The following MEGF8 variants were observed in gnomAD, a reference collection of about 807,000 sequenced individuals.
The protein encoded by MEGF8 is multiple EGF like domains 8, also known as multiple epidermal growth factor-like domains protein 8.
In MEGF8, 156 loss-of-function variants were observed where a neutral mutation model predicts 302.9. The observed-to-expected ratio is 0.52, with a 90% confidence interval of 0.45 to 0.59. MEGF8 has a LOEUF of 0.59. Ranked by LOEUF, MEGF8 falls within the 20% of genes least tolerant of loss-of-function variation. The pLI is 0.00. For synonymous variants in MEGF8, 1,621 were observed against 1,660.5 expected (o/e 0.98, Z 0.58); for missense variants, 3,345 against 3,964.5 (o/e 0.84, Z 4.20).
Position 42,334,191 on chromosome 19 carries a change from G to A in MEGF8, c.536G>A (p.Gly179Asp). 2 of 1,602,998 alleles carry A rather than the reference G, an allele frequency of 1.2e-6. No homozygotes were observed. Among genetic ancestry groups the A allele is most frequent in the Non-Finnish European group, 8.5e-7 (1 of 1,174,442 alleles). Residue 179 changes from glycine to aspartate, a missense_variant, in exon 3 of 42, where the codon GGC becomes GAC. By Grantham distance (94) the Gly-to-Asp change is moderately conservative. Coordinates refer to ENST00000251268, the MANE Select transcript of MEGF8 (RefSeq NM_001271938.2). ...CTGCAGGAGTGCTCAGCCTACTGTG[G>A]CAGCCACGGCACCTGCGCCTCGGTG... is the stretch of plus-strand genomic sequence containing the variant. ...CGLQECSAYCGSHGTCASPLG... is the reference protein window; with the variant it reads ...CGLQECSAYCDSHGTCASPLG...
At position 42,354,144 on chromosome 19, in the gene MEGF8, C is replaced by G. The variant is rs1239186774; in HGVS notation, c.4011+120C>G. ...TTTTTTTTTTTTTGTTTTTTTAATC[C>G]TTCAAAACCCAAACTCCTCCTCAGA... On this transcript the variant is annotated intron_variant, in intron 22 of 41. Transcript: ENST00000251268. The surrounding 1 kb of genome is among the most constrained non-coding windows in gnomAD (Gnocchi z 4.3). 1.6e-6 allele frequency: 2 copies of G among 1,269,272 alleles called. No individual in the cohort carries two copies. The highest frequency in any genetic ancestry group is 5.6e-5 in the Admixed American group (2 of 35,606). The allele number at this position is 1,269,272 out of a possible 1,614,324, so 78.6% of individuals were successfully genotyped here.
Position 42,358,711 on chromosome 19 carries a change from G to A in MEGF8, c.5176-76G>A. 6.9e-7 allele frequency: 1 copy of A among 1,447,696 alleles called. No individual in the cohort carries two copies. The highest frequency in any genetic ancestry group is 9.1e-7 in the Non-Finnish European group (1 of 1,095,742). 89.7% of individuals were successfully genotyped at this position (1,447,696 alleles called of 1,614,324 possible). On this transcript the variant is annotated intron_variant, in intron 29 of 41. Coordinates refer to ENST00000251268, the MANE Select transcript of MEGF8 (RefSeq NM_001271938.2). This position sits in a 1 kb window ranked among gnomAD's most constrained non-coding sequence, Gnocchi z 4.4. The stretch of plus-strand genomic sequence containing the variant: ...GTGGTTTCAGTCCACACGTTTCCAA[G>A]CCCGTCTTGGAGGCAGGGGGCTAGA...
chr19:42,354,845 C>T lies in MEGF8; in HGVS notation c.4144+125C>T, dbSNP rs1427153671. The stretch of plus-strand genomic sequence containing the variant: ...CTGCTTATGGGGTGATGTAGTCCCT[C>T]ACCATCTCTGGACCTCAGTGTCCTT... On this transcript the variant is annotated intron_variant, in intron 23 of 41. Coordinates refer to ENST00000251268, the MANE Select transcript of MEGF8 (RefSeq NM_001271938.2). The surrounding 1 kb of genome is among the most constrained non-coding windows in gnomAD (Gnocchi z 4.3). 5.6e-6 allele frequency: 6 copies of T among 1,066,068 alleles called. No homozygotes were observed. Among genetic ancestry groups the T allele is most frequent in the Non-Finnish European group, 7.9e-6 (6 of 763,594 alleles). The allele number at this position is 1,066,068 out of a possible 1,614,324, so 66.0% of individuals were successfully genotyped here.
At chr19:42,365,863 C>T (rs1276859947) in intron 35 of MEGF8, among the ~76,000 whole-genome samples, 1 of 150,656 alleles carries the variant, frequency 6.6e-6, no homozygotes, top group Non-Finnish European at 1.5e-5. Context: ...GTGGGTGGAT[C>T]GTGAGGTCAG....
intron 31 of MEGF8, 98 bp downstream of exon 31, chr19:42,359,340 T>A: frequency 8.5e-7 from 1 of 1,171,224 alleles, no homozygotes; most frequent in Non-Finnish European, 1.1e-6. Flanking sequence ...ACTGGGCCCC[T>A]GCAGACCCAC....
At chr19:42,342,576 G>T (rs1239777758) in intron 8 of MEGF8, among the ~76,000 whole-genome samples, 1 of 151,948 alleles carries the variant, frequency 6.6e-6, no homozygotes, top group Admixed American at 6.6e-5. Context: ...GACAGAGCTT[G>T]CAGTGAGCTG....
chr19:42,336,159 C>T lies in MEGF8; in HGVS notation c.1057C>T (p.Arg353Cys), dbSNP rs554274233. ...TGTCTGGCTATATGTGTCTGGAGGC[C>T]GCACCCCGCACGACCTCTTCTCCTC... ...DDVWLYVSGG[R>C]TPHDLFSSGL... Residue 353 changes from arginine (R) to cysteine (C), a missense_variant, in exon 6 of 42, where the codon CGC (arginine) becomes TGC (cysteine). Physicochemically the swap from Arg to Cys is radical, Grantham distance 180. Coordinates refer to ENST00000251268, the MANE Select transcript of MEGF8 (RefSeq NM_001271938.2). The surrounding 1 kb of genome is among the most constrained non-coding windows in gnomAD (Gnocchi z 4.8). The T allele has an allele frequency of 6.9e-5, 111 of 1,610,782 alleles. No homozygotes were observed. The highest frequency in any genetic ancestry group is 9.0e-5 in the Non-Finnish European group (106 of 1,179,804).
intron 31 of MEGF8, among the ~76,000 whole-genome samples, chr19:42,360,554 A>G (rs2039516975): frequency 6.6e-6 from 1 of 152,062 alleles, no homozygotes; most frequent in Non-Finnish European, 1.5e-5. Flanking sequence ...TACGTTGCCC[A>G]GGCTGGTCTT....
Position 42,368,985 on chromosome 19 carries a change from C to T in MEGF8, c.6624C>T (p.Thr2208=), listed in dbSNP as rs368865740. 146 of 1,613,642 alleles carry T rather than the reference C, an allele frequency of 9.0e-5. No homozygotes were observed. Among genetic ancestry groups the T allele is most frequent in the Non-Finnish European group, 1.1e-4 (125 of 1,179,866 alleles). ...ACGGCTATGAGTGCAGCTGCAAGAC[C>T]GGCTATACCATGGACAAGTGAGGCC... ...QPHGYECSCK[T]GYTMDNMTGL... is the part of the protein sequence containing the mutation. The change falls in exon 37 of 42, where the codon ACC becomes ACT. Residue 2208 remains threonine, a synonymous_variant. Coordinates refer to ENST00000251268, the MANE Select transcript of MEGF8 (RefSeq NM_001271938.2). The surrounding 1 kb of genome is among the most constrained non-coding windows in gnomAD (Gnocchi z 4.9).
chr19:42,361,958 G>A, intron 32 of MEGF8, 132 bp from the exon 33 acceptor site: 2 of 1,372,078 alleles, frequency 1.5e-6, no homozygotes, highest in South Asian at 2.8e-5. Flanking sequence ...TGGTGGTGGG[G>A]ACAGCCAGGC....
Position 42,376,945 on chromosome 19 carries a change from T to C in MEGF8, c.*170T>C. Reference sequence around the variant, plus strand: ...CTTTGTTCTGCATTCAGCAGCTATTTATCGAGTACCTACTCTGTCAGGCAC... The same window carrying C: ...CTTTGTTCTGCATTCAGCAGCTATTCATCGAGTACCTACTCTGTCAGGCAC... On this transcript the variant is annotated 3_prime_UTR_variant, in exon 42 of 42. Transcript: ENST00000251268. The surrounding 1 kb of genome is among the most constrained non-coding windows in gnomAD (Gnocchi z 8.2). 1 of 638,968 alleles carries C rather than the reference T, an allele frequency of 1.6e-6. No individual in the cohort carries two copies. Among genetic ancestry groups the C allele is most frequent in the Non-Finnish European group, 2.4e-6 (1 of 417,568 alleles). 39.6% of individuals were successfully genotyped at this position (638,968 alleles called of 1,614,324 possible). A position where few individuals can be genotyped will look rare whatever the true frequency, so the allele number is the denominator to read the frequency against.
rs1568570264 is a variant in MEGF8 at position 42,358,009 on chromosome 19, G to A, written c.5012-135G>A. ...CCATTTGAACCCAACTGAGAGGGAC[G>A]GGTGGAGAGGGGCTCCCAGGCCTCC... is the stretch of plus-strand genomic sequence containing the variant. On this transcript the variant is annotated intron_variant, in intron 28 of 41. Transcript: ENST00000251268. This position sits in a 1 kb window ranked among gnomAD's most constrained non-coding sequence, Gnocchi z 4.4. The A allele has an allele frequency of 6.2e-6, 5 of 807,158 alleles. No homozygotes were observed. The highest frequency in any genetic ancestry group is 3.5e-5 in the Admixed American group (1 of 28,638). 50.0% of individuals were successfully genotyped at this position (807,158 alleles called of 1,614,324 possible).
chr19:42,334,608 A>G (rs1011226906), intron 3 of MEGF8, among the ~76,000 whole-genome samples: 1 of 151,974 alleles, frequency 6.6e-6, no homozygotes, highest in East Asian at 1.9e-4. Context: ...TTCAATCTGG[A>G]TTGCGCTTTG....
chr19:42,370,101 G>T, intron 38 of MEGF8, 88 bp from the exon 39 acceptor site: 1 of 1,427,992 alleles, frequency 7.0e-7, no homozygotes, highest in Non-Finnish European at 9.5e-7. Context: ...CCTCCCGTGG[G>T]CTCTCAGAAC....
chr19:42,349,606 A>C lies in MEGF8; in HGVS notation c.2406A>C (p.Ala802=), dbSNP rs753466402. The change falls in exon 14 of 42, where the codon GCA becomes GCC. Residue 802 remains alanine, a synonymous_variant. Coordinates refer to ENST00000251268, the MANE Select transcript of MEGF8 (RefSeq NM_001271938.2). The stretch of plus-strand genomic sequence containing the variant: ...TGCCTGGGCGGGACCACAAGTATGC[A>C]GTAGAGATCCAGGGCCAGCTCAATG... ...FPLPGRDHKY[A]VEIQGQLNGS... 3 of 1,611,960 alleles carry C rather than the reference A, an allele frequency of 1.9e-6. No homozygotes were observed. The highest frequency in any genetic ancestry group is 2.5e-6 in the Non-Finnish European group (3 of 1,179,826).
At chr19:42,337,877 C>A (rs570806743) in intron 8 of MEGF8, among the ~76,000 whole-genome samples, 1 of 151,962 alleles carries the variant, frequency 6.6e-6, no homozygotes, top group Non-Finnish European at 1.5e-5. Context: ...GATCTCAGCT[C>A]ACTGCGACCT....
rs1219090266 is a variant in MEGF8, at chr19:42,336,239, G to A, written c.1137G>A (p.Val379=). The change falls in exon 6 of 42, where the codon GTG becomes GTA. Residue 379 remains valine, a synonymous_variant. Coordinates refer to ENST00000251268, the MANE Select transcript of MEGF8 (RefSeq NM_001271938.2). The surrounding 1 kb of genome is among the most constrained non-coding windows in gnomAD (Gnocchi z 4.8). ...DSTSGGYWEQ[V]IPAGGRPPAA... ...CCAGCGGGGGCTATTGGGAGCAGGT[G>A]ATTCCGGCAGGCGGACGGCCCCCTG... 6.2e-7 allele frequency: 1 copy of A among 1,608,866 alleles called. No individual in the cohort carries two copies. Among genetic ancestry groups the A allele is most frequent in the East Asian group, 2.2e-5 (1 of 44,890 alleles).
At position 42,357,880 on chromosome 19, in the gene MEGF8, T is replaced by G. The variant is rs1349508667; in HGVS notation, c.5012-264T>G. Among the ~76,000 whole-genome samples the G allele has an allele frequency of 6.6e-6, 1 of 152,212 alleles. No individual in the cohort carries two copies. Among genetic ancestry groups the G allele is most frequent in the East Asian group, 1.9e-4 (1 of 5,182 alleles). ...GATCACACCTCCTTTCTTTGATCAC[T>G]GTCCCCTAGACATTCTGGACGCCCT... On this transcript the variant is annotated intron_variant, in intron 28 of 41. Coordinates refer to ENST00000251268, the MANE Select transcript of MEGF8 (RefSeq NM_001271938.2). The surrounding 1 kb of genome is among the most constrained non-coding windows in gnomAD (Gnocchi z 5.2).
At position 42,363,185 on chromosome 19, in the gene MEGF8, A is replaced by C. The variant is rs1216867449; in HGVS notation, c.6196A>C (p.Asn2066His). ...CCCCACCCCTTGTCACCTCCTACCC[A>C]ACTGTACCTCCTGCCTGGACTCTAA... ...PCPTPCHLLP[N>H]CTSCLDSKGA... is the part of the protein sequence containing the mutation. Residue 2066 changes from asparagine to histidine, a missense_variant, in exon 35 of 42, where the codon AAC becomes CAC. Asn to His is a moderately conservative substitution (Grantham distance 68). Coordinates refer to ENST00000251268, the MANE Select transcript of MEGF8 (RefSeq NM_001271938.2). 3.7e-6 allele frequency: 6 copies of C among 1,611,980 alleles called. No individual in the cohort carries two copies. The highest frequency in any genetic ancestry group is 5.1e-6 in the Non-Finnish European group (6 of 1,179,210).
Sources: allele counts gnomAD v4.1 joint callset (sites outside exome capture counted in the v4.1 genomes callset), GRCh38; gene constraint gnomAD v4.1.1; non-coding constraint Gnocchi (gnomAD v3.1); transcripts MANE v1.5; gene names NCBI Gene and HGNC (gene_info 2026-07-23, HGNC 2026-07-21).